Variants in RGS7 observed in about 807,000 individuals in gnomAD.
RGS7 encodes regulator of G-protein signaling 7.
RGS7 carries 27 observed loss-of-function variants against 81.1 expected under a neutral mutation model. The ratio of observed to expected loss-of-function variants is 0.33; its 90% CI spans 0.25 to 0.46. RGS7 has a LOEUF of 0.46. RGS7 is among the 20% of genes least tolerant of loss of function. The pLI, the probability that RGS7 is intolerant of heterozygous loss-of-function variation, is 1.00. For synonymous variants in RGS7, 208 were observed against 207.7 expected, an observed-to-expected ratio of 1.00 and a Z score of -0.01; for missense variants, 396 against 607.4, an observed-to-expected ratio of 0.65 and a Z score of 3.66.
intron 3 of RGS7, among the ~76,000 whole-genome samples, chr1:241,052,554 G>C (rs113870402): frequency 0.023 from 3,440 of 152,160 alleles, 54 homozygotes; most frequent in Non-Finnish European, 0.033. Context: ...GCCTTAGCTT[G>C]ACCTTCTCTA....
intron 2 of RGS7, among the ~76,000 whole-genome samples, chr1:241,243,800 T>C (rs2076382727): frequency 6.6e-6 from 1 of 152,182 alleles, no homozygotes; most frequent in African/African-American, 2.4e-5. Context: ...CCTGAAAACC[T>C]AGTCATCCTG....
At chr1:241,231,228 G>GT (rs1303394022) in intron 2 of RGS7, among the ~76,000 whole-genome samples, 1 of 152,076 alleles carries the variant, frequency 6.6e-6, no homozygotes, top group South Asian at 2.1e-4. Context: ...CTCTGCCACT[G>GT]TTTTTTCATT....
At chr1:241,219,791 A>C in intron 2 of RGS7, among the ~76,000 whole-genome samples, 1 of 150,538 alleles carries the variant, frequency 6.6e-6, no homozygotes, top group East Asian at 1.9e-4. Context: ...ACATATCTTT[A>C]CTCACATTAT....
intron 2 of RGS7, among the ~76,000 whole-genome samples, chr1:241,102,239 TA>T (rs199696272): frequency 2.6e-5 from 3 of 113,428 alleles, no homozygotes; most frequent in East Asian, 2.0e-4. Flanking sequence ...CAAAGACACA[TA>T]AAAAAAACCC....
chr1:241,254,287 T>C (rs2076966294), intron 2 of RGS7, among the ~76,000 whole-genome samples: 1 of 151,980 alleles, frequency 6.6e-6, no homozygotes, highest in Non-Finnish European at 1.5e-5. Flanking sequence ...TTTGAAGATG[T>C]GGCAAGGTCA....
chr1:240,942,478 A>C (rs1156351234), intron 4 of RGS7, among the ~76,000 whole-genome samples: 1 of 152,226 alleles, frequency 6.6e-6, no homozygotes, highest in African/African-American at 2.4e-5. Context: ...AGTAATTTAA[A>C]AACTTCACTG....
At chr1:241,161,486 T>C (rs2069656971) in intron 2 of RGS7, among the ~76,000 whole-genome samples, 1 of 146,998 alleles carries the variant, frequency 6.8e-6, no homozygotes, top group South Asian at 2.1e-4. Context: ...ATAACTAATA[T>C]ATAATAATTA....
rs2076869723 is a variant in RGS7 at position 241,252,250 on chromosome 1, A to C, written c.78+103449T>G. On this transcript the variant is annotated intron_variant, in intron 2 of 18. Coordinates refer to ENST00000440928, the MANE Select transcript of RGS7 (RefSeq NM_001364886.1). ...GTAGAGATGGGGTTTCGCCATGTTG[A>C]CCAGGCTGGTCTTGAACTCTTGACC... Among the ~76,000 whole-genome samples, 4 of 151,852 alleles carry C rather than the reference A, an allele frequency of 2.6e-5. No individual in the cohort carries two copies. In the South Asian group the frequency reaches 8.3e-4, roughly 32 times the overall value.
chr1:241,244,341 A>T (rs2076412579), intron 2 of RGS7, among the ~76,000 whole-genome samples: 2 of 152,248 alleles, frequency 1.3e-5, no homozygotes, highest in African/African-American at 4.8e-5. Context: ...TATGCAGCCA[A>T]AAGACACATG....
At chr1:241,236,379 G>A (rs1345998805) in intron 2 of RGS7, among the ~76,000 whole-genome samples, 1 of 152,114 alleles carries the variant, frequency 6.6e-6, no homozygotes, top group East Asian at 1.9e-4. Flanking sequence ...TAGCCATAAA[G>A]CAAATTGACA....
At chr1:241,140,024 C>T (rs1222604219) in intron 2 of RGS7, among the ~76,000 whole-genome samples, 1 of 152,166 alleles carries the variant, frequency 6.6e-6, no homozygotes, top group Non-Finnish European at 1.5e-5. Flanking sequence ...GAGGAAGAGC[C>T]TGCTGGATGT....
chr1:241,299,584 A>G (rs544910097), intron 2 of RGS7, among the ~76,000 whole-genome samples: 2 of 151,886 alleles, frequency 1.3e-5, no homozygotes, highest in Non-Finnish European at 2.9e-5. Flanking sequence ...GTATCACTAC[A>G]TATCCAGCAT....
At chr1:240,990,931 C>A (rs1195005660) in intron 3 of RGS7, among the ~76,000 whole-genome samples, 3 of 152,280 alleles carry the variant, frequency 2.0e-5, no homozygotes, top group East Asian at 3.9e-4. Context: ...ATTACATTTT[C>A]TTTCTAGGTT....
At chr1:240,988,014 G>A (rs907963794) in intron 3 of RGS7, among the ~76,000 whole-genome samples, 1 of 152,084 alleles carries the variant, frequency 6.6e-6, no homozygotes, top group Non-Finnish European at 1.5e-5. Context: ...TAAGGAACAA[G>A]AAAGAAAGAA....
chr1:240,959,589 A>G (rs534566352), intron 4 of RGS7, among the ~76,000 whole-genome samples: 2 of 152,362 alleles, frequency 1.3e-5, no homozygotes, highest in East Asian at 1.9e-4. Context: ...CCATTGTCAT[A>G]CATGCTGTCC....
intron 15 of RGS7, among the ~76,000 whole-genome samples, chr1:240,805,194 G>C (rs1688644400): frequency 6.7e-6 from 1 of 150,010 alleles, no homozygotes; most frequent in African/African-American, 2.4e-5. Flanking sequence ...GGGCAACATA[G>C]GGAGACCCAC....
At chr1:241,055,049 T>C (rs1181248229) in intron 3 of RGS7, among the ~76,000 whole-genome samples, 1 of 152,194 alleles carries the variant, frequency 6.6e-6, no homozygotes, top group Non-Finnish European at 1.5e-5. Context: ...GGAATAAAAA[T>C]GCCACAGTGC....
chr1:240,999,664 G>A (rs1366815355), intron 3 of RGS7, among the ~76,000 whole-genome samples: 1 of 152,158 alleles, frequency 6.6e-6, no homozygotes, highest in Non-Finnish European at 1.5e-5. Context: ...GCAGTGGTGT[G>A]ATCTTGTCTC....
intron 9 of RGS7, among the ~76,000 whole-genome samples, chr1:240,852,380 A>G (rs1660271234): frequency 6.6e-6 from 1 of 152,256 alleles, no homozygotes; most frequent in African/African-American, 2.4e-5. Flanking sequence ...AGACTACAGT[A>G]TAGTGTAAAC....
Sources: allele counts gnomAD v4.1 joint callset (sites outside exome capture counted in the v4.1 genomes callset), GRCh38; gene constraint gnomAD v4.1.1; transcripts MANE v1.5; gene names NCBI Gene and HGNC (gene_info 2026-07-23, HGNC 2026-07-21).